The following FARS2 variants were observed in gnomAD, a reference collection of about 807,000 sequenced individuals.
The protein encoded by FARS2 is phenylalanyl-tRNA synthetase 2, mitochondrial.
FARS2 carries 40 observed loss-of-function variants against 46.4 expected under a neutral mutation model. The ratio of observed to expected loss-of-function variants is 0.86; its 90% CI spans 0.67 to 1.12. FARS2 has a LOEUF of 1.12. Ranked by LOEUF, FARS2 falls within the 50% of genes most tolerant of loss-of-function variation. The probability of loss-of-function intolerance (pLI) is 0.00; values close to 1 mark genes in which losing one functional copy is unlikely to be tolerated. For synonymous variants in FARS2, 234 were observed against 214.9 expected, an observed-to-expected ratio of 1.09 and a Z score of -0.78; for missense variants, 513 against 567.9, an observed-to-expected ratio of 0.90 and a Z score of 0.98.
chr6:5,295,970 T>G (rs1191318687), intron 1 of FARS2, among the ~76,000 whole-genome samples: 1 of 152,106 alleles, frequency 6.6e-6, no homozygotes, highest in Admixed American at 6.6e-5. Context: ...ATAGCAGTGA[T>G]ACCATGGAGG....
intron 4 of FARS2, chr6:5,457,865 A>G (rs1363552855): frequency 6.6e-6 from 1 of 152,256 alleles, no homozygotes; most frequent in Admixed American, 6.5e-5. Context: ...GAAAGCTTCC[A>G]GATCTCCCCA....
chr6:5,706,880 G>A, intron 6 of FARS2, among the ~76,000 whole-genome samples: 1 of 152,234 alleles, frequency 6.6e-6, no homozygotes, highest in Middle Eastern at 3.2e-3. Context: ...GAAATTTCGA[G>A]CTTTCCATCC....
At position 5,605,789 on chromosome 6, in the gene FARS2, AAAT is replaced by A. The variant is rs533027088; in HGVS notation, c.1066-7374_1066-7372del. Reference sequence around the variant, plus strand: ...GATGCCCTCAAAGAGACCATTGGAGAAATAATAACCATTAAACAAAAAAGGAAA... The same window carrying A: ...GATGCCCTCAAAGAGACCATTGGAGAAATAACCATTAAACAAAAAAGGAAA... On this transcript the variant is annotated intron_variant, in intron 5 of 6. Transcript: ENST00000274680. Among the ~76,000 whole-genome samples, 347 of 152,350 alleles carry A rather than the reference AAAT, an allele frequency of 2.3e-3. 1 individual carries two copies. The highest frequency in any genetic ancestry group is 7.9e-3 in the African/African-American group (328 of 41,578).
chr6:5,371,495 G>A lies in FARS2; in HGVS notation c.612+2313G>A, dbSNP rs139843843. 1.2e-3 allele frequency among the ~76,000 whole-genome samples: 183 copies of A among 152,222 alleles called. 2 individuals carry two copies. The highest frequency in any genetic ancestry group is 4.0e-4 in the Non-Finnish European group (27 of 68,002). ...AACAATGATAAGTATAGAAATGGATGAGTCACAGTAATCTATACACTTAGC... is the reference window on the plus strand; with the variant it reads ...AACAATGATAAGTATAGAAATGGATAAGTCACAGTAATCTATACACTTAGC... On this transcript the variant is annotated intron_variant, in intron 2 of 6. Coordinates refer to ENST00000274680, the MANE Select transcript of FARS2 (RefSeq NM_006567.5).
At chr6:5,587,127 T>C (rs1472485451) in intron 5 of FARS2, among the ~76,000 whole-genome samples, 1 of 152,236 alleles carries the variant, frequency 6.6e-6, no homozygotes, top group Non-Finnish European at 1.5e-5. Context: ...CTTTGACCTT[T>C]GTCAATTCAT....
At chr6:5,410,135 T>G (rs1010066555) in intron 3 of FARS2, among the ~76,000 whole-genome samples, 82 of 147,006 alleles carry the variant, frequency 5.6e-4, no homozygotes, top group African/African-American at 2.1e-3. Flanking sequence ...GAAAAGTGCT[T>G]TGTTCGTTTT....
At chr6:5,384,212 C>T (rs773525674) in intron 2 of FARS2, among the ~76,000 whole-genome samples, 1 of 152,128 alleles carries the variant, frequency 6.6e-6, no homozygotes, top group African/African-American at 2.4e-5. Context: ...TCTGTAGAGG[C>T]CAGAGCTTGG....
intron 5 of FARS2, among the ~76,000 whole-genome samples, chr6:5,557,820 C>T (rs989731686): frequency 9.9e-5 from 15 of 152,228 alleles, no homozygotes; most frequent in Admixed American, 3.9e-4. Context: ...ATAGAACTGG[C>T]TGTGCCTACC....
chr6:5,336,085 T>G (rs1771138004), intron 1 of FARS2, among the ~76,000 whole-genome samples: 1 of 152,164 alleles, frequency 6.6e-6, no homozygotes, highest in South Asian at 2.1e-4. Flanking sequence ...TCTTAAGACT[T>G]AATAGGAAAA....
At chr6:5,469,958 A>G (rs983413936) in intron 4 of FARS2, among the ~76,000 whole-genome samples, 2 of 152,250 alleles carry the variant, frequency 1.3e-5, no homozygotes, top group Admixed American at 6.5e-5. Context: ...AAAAATAGGA[A>G]TAATACTGGT....
intron 6 of FARS2, chr6:5,668,010 C>T (rs772362405): frequency 5.9e-5 from 9 of 152,210 alleles, no homozygotes; most frequent in East Asian, 1.9e-4. Context: ...TCTATTACTT[C>T]GTAGCCCACT....
intron 6 of FARS2, among the ~76,000 whole-genome samples, chr6:5,645,145 T>G (rs11967886): frequency 0.022 from 3,376 of 152,272 alleles, 109 homozygotes; most frequent in African/African-American, 0.073. Context: ...CTTCTACCCA[T>G]CAGTAAATAT....
intron 3 of FARS2, 25 bp downstream of exon 3, chr6:5,404,726 G>T: frequency 1.3e-6 from 2 of 1,491,552 alleles, no homozygotes; most frequent in Non-Finnish European, 1.8e-6. Context: ...ACAGGTTGAC[G>T]ATCTCTTATC....
At chr6:5,488,079 T>C (rs1208249411) in intron 4 of FARS2, among the ~76,000 whole-genome samples, 1 of 152,236 alleles carries the variant, frequency 6.6e-6, no homozygotes, top group Non-Finnish European at 1.5e-5. Context: ...TATGATCAGC[T>C]GTGTCCTTGG....
chr6:5,502,843 T>A (rs955153770), intron 4 of FARS2, among the ~76,000 whole-genome samples: 2 of 152,196 alleles, frequency 1.3e-5, no homozygotes, highest in Non-Finnish European at 1.5e-5. Flanking sequence ...CCTGCCAATT[T>A]TATATCACAG....
At chr6:5,733,281 C>T (rs1760754187) in intron 6 of FARS2, among the ~76,000 whole-genome samples, 1 of 152,046 alleles carries the variant, frequency 6.6e-6, no homozygotes, top group Non-Finnish European at 1.5e-5. Flanking sequence ...ACCAAAAAAG[C>T]AAAGATGAAT....
intron 6 of FARS2, among the ~76,000 whole-genome samples, chr6:5,717,529 A>G (rs1044936409): frequency 8.6e-5 from 13 of 152,024 alleles, no homozygotes; most frequent in African/African-American, 3.1e-4. Flanking sequence ...ATGTTCTTCT[A>G]TCCTCTGTAT....
At chr6:5,612,695 A>G (rs1775254952) in intron 5 of FARS2, among the ~76,000 whole-genome samples, 1 of 152,224 alleles carries the variant, frequency 6.6e-6, no homozygotes, top group Admixed American at 6.5e-5. Flanking sequence ...TATCAACCCA[A>G]TCCTTTATTT....
At chr6:5,335,419 T>G (rs1416164074) in intron 1 of FARS2, among the ~76,000 whole-genome samples, 1 of 152,216 alleles carries the variant, frequency 6.6e-6, no homozygotes, top group African/African-American at 2.4e-5. Flanking sequence ...GCTTACTATA[T>G]TGATGGACTC....
Sources: gnomAD v4.1 joint callset for allele counts (sites outside exome capture counted in the v4.1 genomes callset) on GRCh38, gnomAD v4.1.1 for gene constraint, MANE v1.5 for transcripts, NCBI Gene and HGNC (gene_info 2026-07-23, HGNC 2026-07-21) for gene names.